Variants in ARHGAP42 observed in about 807,000 individuals in gnomAD.
ARHGAP42 encodes the protein Rho GTPase activating protein 42.
In ARHGAP42, 63 loss-of-function variants were observed where a neutral mutation model predicts 125.0. The observed-to-expected ratio is 0.50, with a 90% CI of 0.41 to 0.62. The LOEUF (loss-of-function observed/expected upper bound fraction) is 0.62, where lower values mean the gene tolerates loss of function less well. Ranked by LOEUF, ARHGAP42 falls within the 20% of genes least tolerant of loss-of-function variation. The probability of loss-of-function intolerance (pLI) is 0.00; values close to 1 mark genes in which losing one functional copy is unlikely to be tolerated. For synonymous variants in ARHGAP42, 339 were observed against 351.0 expected (o/e 0.97, Z 0.38); for missense variants, 766 against 1,024.2 (o/e 0.75, Z 3.44).
chr11:100,905,747 C>T (rs1483884799), intron 4 of ARHGAP42, among the ~76,000 whole-genome samples: 1 of 152,102 alleles, frequency 6.6e-6, no homozygotes, highest in African/African-American at 2.4e-5. Flanking sequence ...GAGGTCGAGG[C>T]GGGTGGTTCA....
intron 12 of ARHGAP42, 136 bp from the exon 13 acceptor site, chr11:100,959,747 C>A (rs1276880467): frequency 2.6e-6 from 2 of 757,564 alleles, no homozygotes; most frequent in African/African-American, 3.5e-5. Context: ...AAAAGTCAGC[C>A]TCTAACCAAA....
chr11:100,848,103 G>C (rs184115409), intron 3 of ARHGAP42, among the ~76,000 whole-genome samples: 59 of 152,144 alleles, frequency 3.9e-4, no homozygotes, highest in African/African-American at 1.3e-3. Flanking sequence ...ATATGAAGTG[G>C]GAATTGGGAA....
rs533631816 is a variant in ARHGAP42 at position 100,892,997 on chromosome 11, A to G, written c.385-20455A>G. On this transcript the variant is annotated intron_variant, in intron 4 of 23. Coordinates refer to ENST00000298815, the MANE Select transcript of ARHGAP42 (RefSeq NM_152432.4). ...ACACACTTCGATTTTATAACAACTAAAAGAACTTGTAAGTTATTTCCTTCA... is the reference window on the plus strand; with the variant it reads ...ACACACTTCGATTTTATAACAACTAGAAGAACTTGTAAGTTATTTCCTTCA... Among the ~76,000 whole-genome samples, 3 of 152,270 alleles carry G rather than the reference A, an allele frequency of 2.0e-5. No homozygotes were observed. In the South Asian group the frequency reaches 6.2e-4, roughly 32 times the overall value.
At chr11:100,802,523 A>G (rs925778474) in intron 3 of ARHGAP42, among the ~76,000 whole-genome samples, 1 of 150,502 alleles carries the variant, frequency 6.6e-6, no homozygotes, top group Non-Finnish European at 1.5e-5. Flanking sequence ...CTCCCAGGTT[A>G]AAGTGATTTT....
chr11:100,832,408 T>G (rs1046109878), intron 3 of ARHGAP42, among the ~76,000 whole-genome samples: 1 of 152,192 alleles, frequency 6.6e-6, no homozygotes, highest in East Asian at 1.9e-4. Context: ...TCTCTTACCC[T>G]TGTTTCTCCA....
intron 4 of ARHGAP42, among the ~76,000 whole-genome samples, chr11:100,910,671 G>A (rs1050978745): frequency 2.6e-5 from 4 of 151,340 alleles, no homozygotes; most frequent in Non-Finnish European, 4.4e-5. Context: ...GCTTACATGA[G>A]CAGTAAATCA....
intron 4 of ARHGAP42, among the ~76,000 whole-genome samples, chr11:100,904,283 G>A (rs532780217): frequency 5.5e-5 from 8 of 144,160 alleles, no homozygotes; most frequent in South Asian, 2.2e-4. Flanking sequence ...TTGCTCTGTC[G>A]CCCAGGCTGA....
chr11:100,782,397 A>T (rs911471230), intron 2 of ARHGAP42, among the ~76,000 whole-genome samples: 1 of 152,234 alleles, frequency 6.6e-6, no homozygotes, highest in African/African-American at 2.4e-5. Flanking sequence ...CAATTTTGAC[A>T]TAAAATGTTT....
At chr11:100,729,072 G>GTC (rs141776807) in intron 1 of ARHGAP42, among the ~76,000 whole-genome samples, 6,554 of 150,288 alleles carry the variant, frequency 0.044, 271 homozygotes, top group East Asian at 0.23. Flanking sequence ...CGCAGCCTCT[G>GTC]TCTCTCTCTC....
chr11:100,979,965 T>C (rs1858489739), intron 22 of ARHGAP42, among the ~76,000 whole-genome samples: 1 of 152,210 alleles, frequency 6.6e-6, no homozygotes, highest in South Asian at 2.1e-4. Context: ...ATATGGACTT[T>C]TTCAGCAAAC....
In ARHGAP42 at chr11:100,989,118, C is replaced by T. The variant is rs1367757177; in HGVS notation, c.*317C>T. On this transcript the variant is annotated 3_prime_UTR_variant, in exon 24 of 24. Coordinates refer to ENST00000298815, the MANE Select transcript of ARHGAP42 (RefSeq NM_152432.4). ...TCAAATACTGTGTTAAATACTGTATCCCAGAAATTTGGAAACCAGAAATCT... is the reference window on the plus strand; with the variant it reads ...TCAAATACTGTGTTAAATACTGTATTCCAGAAATTTGGAAACCAGAAATCT... 2.5e-6 allele frequency: 1 copy of T among 402,910 alleles called. No homozygotes were observed. Among genetic ancestry groups the T allele is most frequent in the Non-Finnish European group, 4.4e-6 (1 of 228,416 alleles). The allele number at this position is 402,910 out of a possible 1,614,324, so 25.0% of individuals were successfully genotyped here. A position where few individuals can be genotyped will look rare whatever the true frequency, so the allele number is the denominator to read the frequency against.
intron 1 of ARHGAP42, among the ~76,000 whole-genome samples, chr11:100,722,058 A>G (rs942460262): frequency 3.9e-5 from 6 of 152,190 alleles, no homozygotes; most frequent in Non-Finnish European, 1.5e-5. Context: ...TTGCATTTCC[A>G]TAAGCAATGA....
intron 3 of ARHGAP42, among the ~76,000 whole-genome samples, chr11:100,847,033 C>T (rs765419377): frequency 6.6e-6 from 1 of 152,104 alleles, no homozygotes; most frequent in Non-Finnish European, 1.5e-5. Flanking sequence ...AACTTACATA[C>T]GGAGTGGTCC....
At chr11:100,767,233 TTATC>T (rs1412688894) in intron 1 of ARHGAP42, among the ~76,000 whole-genome samples, 2 of 152,202 alleles carry the variant, frequency 1.3e-5, no homozygotes, top group Non-Finnish European at 2.9e-5. Flanking sequence ...TCTAAGTTCT[TTATC>T]TATATTAACT....
intron 4 of ARHGAP42, among the ~76,000 whole-genome samples, chr11:100,862,412 T>C (rs1329309710): frequency 2.0e-5 from 3 of 149,142 alleles, no homozygotes; most frequent in African/African-American, 7.5e-5. Flanking sequence ...TTCATCTGTT[T>C]GGGAAATCTT....
chr11:100,700,449 T>A (rs1291597743), intron 1 of ARHGAP42, among the ~76,000 whole-genome samples: 1 of 152,220 alleles, frequency 6.6e-6, no homozygotes, highest in African/African-American at 2.4e-5. Flanking sequence ...AAATGCTGTT[T>A]GATAGCATTC....
intron 1 of ARHGAP42, among the ~76,000 whole-genome samples, chr11:100,715,690 T>TG (rs898253220): frequency 4.7e-4 from 72 of 152,326 alleles, no homozygotes; most frequent in African/African-American, 1.6e-3. Context: ...AGAGTGATAC[T>TG]GGTGCATAGT....
At chr11:100,817,254 C>G (rs559498028) in intron 3 of ARHGAP42, among the ~76,000 whole-genome samples, 2 of 152,170 alleles carry the variant, frequency 1.3e-5, no homozygotes, top group Non-Finnish European at 1.5e-5. Context: ...GTTGCCTTCT[C>G]CCTAGTTGTG....
chr11:100,838,252 CT>C (rs1303968416), intron 3 of ARHGAP42, among the ~76,000 whole-genome samples: 1 of 152,044 alleles, frequency 6.6e-6, no homozygotes, highest in Non-Finnish European at 1.5e-5. Flanking sequence ...TTGGTGTAAA[CT>C]TTGATCACTT....
Sources: gnomAD v4.1 joint callset for allele counts (sites outside exome capture counted in the v4.1 genomes callset) on GRCh38, gnomAD v4.1.1 for gene constraint, MANE v1.5 for transcripts, NCBI Gene and HGNC (gene_info 2026-07-23, HGNC 2026-07-21) for gene names.